The following JPH2 variants were observed in gnomAD, a reference collection of about 807,000 sequenced individuals.
JPH2 encodes the protein junctophilin 2.
Under a neutral mutation model 55.9 loss-of-function variants are expected in JPH2, and 38 were observed. The ratio of observed to expected loss-of-function variants is 0.68; its 90% CI spans 0.52 to 0.89. JPH2 has a LOEUF of 0.89. JPH2 is among the 40% of genes least tolerant of loss of function. The pLI, the probability that JPH2 is intolerant of heterozygous loss-of-function variation, is 0.00. For synonymous variants in JPH2, 480 were observed against 472.4 expected, an observed-to-expected ratio of 1.02 and a Z score of -0.21; for missense variants, 964 against 1,037.6, an observed-to-expected ratio of 0.93 and a Z score of 0.97.
intron 2 of JPH2, among the ~76,000 whole-genome samples, chr20:44,149,668 A>G (rs2072517378): frequency 6.6e-6 from 1 of 152,130 alleles, no homozygotes; most frequent in Non-Finnish European, 1.5e-5. Context: ...AATTTGTTAT[A>G]CAGAGTACTT....
intron 1 of JPH2, among the ~76,000 whole-genome samples, chr20:44,163,272 A>G (rs573619298): frequency 1.3e-5 from 2 of 152,276 alleles, no homozygotes; most frequent in Admixed American, 1.3e-4. Flanking sequence ...TCATTGGGTG[A>G]CCTTGGCAAT....
chr20:44,121,905 G>A (rs987737984), intron 2 of JPH2, among the ~76,000 whole-genome samples: 15 of 152,120 alleles, frequency 9.9e-5, no homozygotes, highest in African/African-American at 3.6e-4. Flanking sequence ...AGGTCAGCGG[G>A]GGGATTGCTT....
chr20:44,175,474 C>T (rs1000185940), intron 1 of JPH2, among the ~76,000 whole-genome samples: 51 of 152,248 alleles, frequency 3.3e-4, no homozygotes, highest in Non-Finnish European at 3.4e-4. Flanking sequence ...GCAAGGCTGG[C>T]ACCAAAGTCC....
At chr20:44,122,634 G>A (rs1032117828) in intron 2 of JPH2, among the ~76,000 whole-genome samples, 5 of 152,148 alleles carry the variant, frequency 3.3e-5, no homozygotes, top group Non-Finnish European at 7.3e-5. Context: ...TTCTTCATCT[G>A]TAAAGTGGAG....
chr20:44,163,820 G>T lies in JPH2; in HGVS notation c.380-3413C>A, dbSNP rs1344930559. The stretch of plus-strand genomic sequence containing the variant: ...AATTCCTGTTTATTCTGTTGGAAAA[G>T]GTCCCTAGTGCTTCCAGCCCCTCTG... On this transcript the variant is annotated intron_variant, in intron 1 of 5. Transcript: ENST00000372980. Among the ~76,000 whole-genome samples, 3 of 152,166 alleles carry T rather than the reference G, an allele frequency of 2.0e-5. No homozygotes were observed. In the East Asian group the frequency reaches 5.8e-4, roughly 29 times the overall value.
At chr20:44,157,674 A>G (rs2072575306) in intron 2 of JPH2, among the ~76,000 whole-genome samples, 1 of 152,226 alleles carries the variant, frequency 6.6e-6, no homozygotes, top group African/African-American at 2.4e-5. Context: ...GGCCAAGGAC[A>G]TACAACTAAG....
At position 44,133,171 on chromosome 20, in the gene JPH2, T is replaced by A. The variant is rs1394297685; in HGVS notation, c.1170-14548A>T. On this transcript the variant is annotated intron_variant, in intron 2 of 5. Coordinates refer to ENST00000372980, the MANE Select transcript of JPH2 (RefSeq NM_020433.5). Reference sequence around the variant, plus strand: ...CCATGGCTGCTGGTCCTGGATGCCTTAACATACCTTGTTAATTTTTCTGCC... The same window carrying A: ...CCATGGCTGCTGGTCCTGGATGCCTAAACATACCTTGTTAATTTTTCTGCC... Among the ~76,000 whole-genome samples the A allele has an allele frequency of 2.2e-5, 3 of 139,140 alleles. No homozygotes were observed. In the East Asian group the frequency reaches 6.5e-4, roughly 30 times the overall value. 91.3% of individuals were successfully genotyped at this position (139,140 alleles called of 152,430 possible).
chr20:44,125,553 C>T (rs2072269558), intron 2 of JPH2, among the ~76,000 whole-genome samples: 1 of 152,270 alleles, frequency 6.6e-6, no homozygotes, highest in African/African-American at 2.4e-5. Flanking sequence ...GAGCCAGGTC[C>T]GTCATGTGCT....
intron 2 of JPH2, among the ~76,000 whole-genome samples, chr20:44,134,064 A>ATATAAATATATATTTATTAT (rs1555855573): frequency 4.8e-5 from 1 of 21,042 alleles, no homozygotes; most frequent in East Asian, 1.6e-3. Context: ...ATTTATTATA[A>ATATAAATATATATTTATTAT]ATATATAAAT....
chr20:44,162,775 TATATATATATATAC>T (rs1476276770), intron 1 of JPH2, among the ~76,000 whole-genome samples: 23 of 83,068 alleles, frequency 2.8e-4, no homozygotes, highest in African/African-American at 5.6e-4. Context: ...TATATATATA[TATATATATATATAC>T]ACACACACAC....
intron 3 of JPH2, 133 bp downstream of exon 3, chr20:44,118,372 G>T: frequency 1.3e-6 from 1 of 786,028 alleles, no homozygotes; most frequent in Non-Finnish European, 2.3e-6. Flanking sequence ...TCCCACATTT[G>T]CACCATGCCC....
intron 2 of JPH2, among the ~76,000 whole-genome samples, chr20:44,134,964 C>T (rs1310857388): frequency 1.5e-5 from 2 of 135,916 alleles, no homozygotes; most frequent in South Asian, 4.5e-4. Context: ...AGGTGGCTAA[C>T]CATTTAGCTG....
intron 2 of JPH2, among the ~76,000 whole-genome samples, chr20:44,125,330 C>T (rs1263656996): frequency 7.3e-6 from 1 of 136,984 alleles, no homozygotes; most frequent in East Asian, 2.5e-4. Flanking sequence ...AATGTATTCA[C>T]TCAATGAATG....
rs915183715 is a variant in JPH2 at position 44,107,530 on chromosome 20, T to A, written c.*5988A>T. 6.6e-6 allele frequency among the ~76,000 whole-genome samples: 1 copy of A among 152,172 alleles called. No homozygotes were observed. The highest frequency in any genetic ancestry group is 2.4e-5 in the African/African-American group (1 of 41,426). ...ATTCCATCCTCCATACTCTCTTTCCTTTTCCTTTGGCAGATGCAGAGACCA... is the reference window on the plus strand; with the variant it reads ...ATTCCATCCTCCATACTCTCTTTCCATTTCCTTTGGCAGATGCAGAGACCA... On this transcript the variant is annotated 3_prime_UTR_variant, in exon 6 of 6. Coordinates refer to ENST00000372980, the MANE Select transcript of JPH2 (RefSeq NM_020433.5).
At position 44,177,128 on chromosome 20, in the gene JPH2, A is replaced by C. The variant is rs1410250967; in HGVS notation, c.379+9199T>G. ...CCTTTAAGCAGGGAGTGAAAGTTAC[A>C]CGGGAGGGAGGTGTGCCAGCCCTAA... is the stretch of plus-strand genomic sequence containing the variant. On this transcript the variant is annotated intron_variant, in intron 1 of 5. Transcript: ENST00000372980. 3 of 985,444 alleles carry C rather than the reference A, an allele frequency of 3.0e-6. No homozygotes were observed. In the African/African-American group the frequency reaches 5.2e-5, roughly 17 times the overall value. The allele number at this position is 985,444 out of a possible 1,614,324, so 61.0% of individuals were successfully genotyped here.
intron 4 of JPH2, 78 bp from the exon 5 acceptor site, chr20:44,114,954 A>G: frequency 8.9e-7 from 1 of 1,124,392 alleles, no homozygotes; most frequent in Non-Finnish European, 1.3e-6. Context: ...GCAAGGCTGG[A>G]CAGAGCAGGA....
Position 44,163,680 on chromosome 20 carries a change from C to T in JPH2, c.380-3273G>A, listed in dbSNP as rs114014546. Among the ~76,000 whole-genome samples the T allele has an allele frequency of 3.2e-3, 483 of 152,322 alleles. 6 individuals are homozygous for T. The highest frequency in any genetic ancestry group is 0.028 in the East Asian group (145 of 5,184). Reference sequence around the variant, plus strand: ...CAAGGAAATGGGATCCAAGCCTAAGCCTGTCTGATGCCAGAGTGTATGCTG... The same window carrying T: ...CAAGGAAATGGGATCCAAGCCTAAGTCTGTCTGATGCCAGAGTGTATGCTG... On this transcript the variant is annotated intron_variant, in intron 1 of 5. Transcript: ENST00000372980.
intron 1 of JPH2, among the ~76,000 whole-genome samples, chr20:44,166,908 G>T (rs990301603): frequency 6.6e-6 from 1 of 152,144 alleles, no homozygotes; most frequent in African/African-American, 2.4e-5. Context: ...GGAAACGGGG[G>T]AGATCCCCAA....
intron 2 of JPH2, among the ~76,000 whole-genome samples, chr20:44,133,901 TAAATAAA>T (rs2072344356): frequency 5.6e-5 from 1 of 17,780 alleles, no homozygotes; most frequent in African/African-American, 2.3e-4. Context: ...TAAATATATA[TAAATAAA>T]TATACATTAT....
Sources: gnomAD v4.1 joint callset for allele counts (sites outside exome capture counted in the v4.1 genomes callset) on GRCh38, gnomAD v4.1.1 for gene constraint, MANE v1.5 for transcripts, NCBI Gene and HGNC (gene_info 2026-07-23, HGNC 2026-07-21) for gene names.